The following WDR1 variants were observed in gnomAD, a reference collection of about 807,000 sequenced individuals.
WDR1 encodes the protein WD repeat-containing protein 1.
In WDR1, 21 loss-of-function variants were observed where a neutral mutation model predicts 71.9. The observed-to-expected ratio is 0.29, with a 90% confidence interval of 0.21 to 0.42. The LOEUF (loss-of-function observed/expected upper bound fraction) is 0.42. Ranked by LOEUF, WDR1 falls within the 10% of genes least tolerant of loss-of-function variation. The pLI is 1.00. For synonymous variants in WDR1, 424 were observed against 347.4 expected, an observed-to-expected ratio of 1.22 and a Z score of -2.45; for missense variants, 696 against 824.5, an observed-to-expected ratio of 0.84 and a Z score of 1.91.
Position 10,083,090 on chromosome 4 carries a change from C to T in WDR1, c.1128G>A (p.Ser376=), listed in dbSNP as rs756943899. ...NQVSRMTVDE[S]GQLISCSMDD... is the part of the protein sequence containing the mutation. ...CCATGCTGCAGCTGATGAGCTGCCC[C>T]GACTCATCCACGGTCATCCTGGACA... The change falls in exon 10 of 15, where the codon TCG becomes TCA. Residue 376 remains serine, a synonymous_variant. Coordinates refer to ENST00000499869, the MANE Select transcript of WDR1 (RefSeq NM_017491.5). The T allele has an allele frequency of 8.7e-6, 14 of 1,613,772 alleles. No homozygotes were observed. The highest frequency in any genetic ancestry group is 1.1e-5 in the Non-Finnish European group (13 of 1,179,886).
chr4:10,083,326 C>T (rs2109646012), intron 9 of WDR1, 148 bp from the exon 10 acceptor site: 2 of 999,970 alleles, frequency 2.0e-6, no homozygotes, highest in East Asian at 2.6e-5. Flanking sequence ...CCTGCAGTGT[C>T]CACTGTTGAC....
chr4:10,077,625 C>T (rs1764849466), intron 13 of WDR1, 128 bp downstream of exon 13: 1 of 1,457,878 alleles, frequency 6.9e-7, no homozygotes, highest in Non-Finnish European at 9.1e-7. Flanking sequence ...GAGGCACCTG[C>T]TACTTGTAGA....
At chr4:10,107,130 C>T (rs1436126553) in intron 2 of WDR1, among the ~76,000 whole-genome samples, 2 of 152,164 alleles carry the variant, frequency 1.3e-5, no homozygotes, top group African/African-American at 4.8e-5. Flanking sequence ...GTTCTGTCTC[C>T]CCATCTCCCT....
chr4:10,081,586 A>G (rs970884354), intron 10 of WDR1, 142 bp from the exon 11 acceptor site: 11 of 565,544 alleles, frequency 1.9e-5, no homozygotes, highest in Non-Finnish European at 3.0e-5. Flanking sequence ...TTGCTAAAAT[A>G]TGGGATGGTA....
rs9991457 is a variant in WDR1, at chr4:10,084,750, C to T, written c.952-220G>A. Among the ~76,000 whole-genome samples, 552 of 152,338 alleles carry T rather than the reference C, an allele frequency of 3.6e-3. 3 individuals carry two copies. The highest frequency in any genetic ancestry group is 0.012 in the African/African-American group (491 of 41,582). On this transcript the variant is annotated intron_variant, in intron 8 of 14. Coordinates refer to ENST00000499869, the MANE Select transcript of WDR1 (RefSeq NM_017491.5). ...AAAGCTACCCAGTCACCTACAGACC[C>T]TGCCCTTCATTCCCCTCCCTCCAAG...
intron 4 of WDR1, 118 bp downstream of exon 4, chr4:10,098,874 T>A: frequency 1.4e-6 from 2 of 1,465,294 alleles, no homozygotes; most frequent in Non-Finnish European, 1.9e-6. Context: ...TACTGGGAGC[T>A]CAACCCTCAC....
At chr4:10,082,921 G>A (rs948493834) in intron 10 of WDR1, 101 bp downstream of exon 10, 14 of 1,433,156 alleles carry the variant, frequency 9.8e-6, no homozygotes, top group Admixed American at 8.9e-5. Context: ...GATGAAAGGA[G>A]CAAGTGAGGC....
chr4:10,084,928 G>A lies in WDR1; in HGVS notation c.952-398C>T, dbSNP rs138633352. The stretch of plus-strand genomic sequence containing the variant: ...AAGGGGGTCGGTCCAGGAGGACTTC[G>A]CTGGCCACATTCGCTTCAGGCCCTG... On this transcript the variant is annotated intron_variant, in intron 8 of 14. Coordinates refer to ENST00000499869, the MANE Select transcript of WDR1 (RefSeq NM_017491.5). 5.7e-3 allele frequency among the ~76,000 whole-genome samples: 870 copies of A among 152,326 alleles called. 4 individuals carry two copies. Among genetic ancestry groups the A allele is most frequent in the Non-Finnish European group, 9.1e-3 (620 of 68,034 alleles).
chr4:10,087,518 T>C lies in WDR1; in HGVS notation c.951+189A>G, dbSNP rs1205428281. Among the ~76,000 whole-genome samples the C allele has an allele frequency of 3.9e-5, 6 of 152,232 alleles. No homozygotes were observed. The South Asian group carries it at 1.2e-3, about 31-fold the overall frequency. ...GAACTTGGCACCTGGCCTGCCACCATGGCTAAACTCATGTCCCAAGAAAGC... is the reference window on the plus strand; with the variant it reads ...GAACTTGGCACCTGGCCTGCCACCACGGCTAAACTCATGTCCCAAGAAAGC... On this transcript the variant is annotated intron_variant, in intron 8 of 14. Coordinates refer to ENST00000499869, the MANE Select transcript of WDR1 (RefSeq NM_017491.5).
At position 10,085,112 on chromosome 4, in the gene WDR1, C is replaced by G. The variant is rs367967228; in HGVS notation, c.952-582G>C. On this transcript the variant is annotated intron_variant, in intron 8 of 14. Coordinates refer to ENST00000499869, the MANE Select transcript of WDR1 (RefSeq NM_017491.5). ...CAGTGGAGGGCACACAAGGCTGGTC[C>G]ACAACCAGACAGCTGCTTCCAGAGG... Among the ~76,000 whole-genome samples the G allele has an allele frequency of 1.6e-3, 251 of 152,344 alleles. 1 individual carries two copies. The highest frequency in any genetic ancestry group is 5.6e-3 in the African/African-American group (232 of 41,598).
Position 10,103,827 on chromosome 4 carries a change from C to CTTCG in WDR1, c.229+65_229+68dup, listed in dbSNP as rs1712852500. 5 of 1,360,120 alleles carry CTTCG rather than the reference C, an allele frequency of 3.7e-6. No homozygotes were observed. The South Asian group carries it at 3.8e-5, about 10-fold the overall frequency. 84.3% of individuals were successfully genotyped at this position (1,360,120 alleles called of 1,614,324 possible). A position where few individuals can be genotyped will look rare whatever the true frequency, so the allele number is the denominator to read the frequency against. ...CACTCTCCCAAGGCCAGAAGCCCAG[C>CTTCG]TTCGCCCTGGGCCCTGAGCGCCACC... is the stretch of plus-strand genomic sequence containing the variant. On this transcript the variant is annotated intron_variant, in intron 3 of 14. Coordinates refer to ENST00000499869, the MANE Select transcript of WDR1 (RefSeq NM_017491.5).
intron 8 of WDR1, among the ~76,000 whole-genome samples, chr4:10,084,906 G>C (rs961894630): frequency 1.3e-5 from 2 of 152,248 alleles, no homozygotes; most frequent in African/African-American, 4.8e-5. Context: ...GAGCCACAAG[G>C]GGGTCGGTCC....
intron 2 of WDR1, among the ~76,000 whole-genome samples, chr4:10,115,067 A>C (rs1713626166): frequency 6.6e-6 from 1 of 152,252 alleles, no homozygotes. Context: ...TACCAAGGGA[A>C]ATCAGGCTGA....
intron 2 of WDR1, 160 bp downstream of exon 2, chr4:10,115,953 G>A (rs945174387): frequency 2.8e-5 from 27 of 949,468 alleles, no homozygotes; most frequent in Middle Eastern, 3.5e-4. Context: ...ATCTGAGGCC[G>A]GCTTCCGGGG....
chr4:10,084,872 C>A (rs531608022), intron 8 of WDR1, among the ~76,000 whole-genome samples: 1 of 152,216 alleles, frequency 6.6e-6, no homozygotes, highest in Non-Finnish European at 1.5e-5. Flanking sequence ...GGCCTGCACC[C>A]CGCCGACCAG....
At chr4:10,096,889 C>T (rs1488907555) in intron 5 of WDR1, among the ~76,000 whole-genome samples, 1 of 152,194 alleles carries the variant, frequency 6.6e-6, no homozygotes, top group Admixed American at 6.5e-5. Flanking sequence ...GTCCATTGTT[C>T]TTGTCCATCC....
chr4:10,090,646 TGCTCACG>T (rs1560535441), intron 5 of WDR1, among the ~76,000 whole-genome samples: 2 of 152,236 alleles, frequency 1.3e-5, no homozygotes, highest in African/African-American at 4.8e-5. Flanking sequence ...TGCCAAGACC[TGCTCACG>T]GCTGGGGTCA....
At chr4:10,092,195 C>T (rs1277214745) in intron 5 of WDR1, 2 of 152,102 alleles carry the variant, frequency 1.3e-5, no homozygotes, top group Admixed American at 6.5e-5. Context: ...CTGGGTCCTT[C>T]TGACGAATGA....
intron 8 of WDR1, among the ~76,000 whole-genome samples, chr4:10,085,297 GCCACAT>G (rs1012932745): frequency 6.6e-6 from 1 of 152,248 alleles, no homozygotes; most frequent in Non-Finnish European, 1.5e-5. Context: ...TCTGTGGTAT[GCCACAT>G]GTTGCCACAA....
Sources: gnomAD v4.1 joint callset for allele counts (sites outside exome capture counted in the v4.1 genomes callset) on GRCh38, gnomAD v4.1.1 for gene constraint, MANE v1.5 for transcripts, NCBI Gene and HGNC (gene_info 2026-07-23, HGNC 2026-07-21) for gene names.